Variants in MFSD11 observed in about 807,000 individuals in gnomAD.
The protein encoded by MFSD11 is UNC93-like protein MFSD11.
Under a neutral mutation model 53.5 loss-of-function variants are expected in MFSD11, and 36 were observed. The observed-to-expected ratio is 0.67, with a 90% CI of 0.52 to 0.89. The LOEUF (loss-of-function observed/expected upper bound fraction) is 0.89, where lower values mean the gene tolerates loss of function less well. Among genes scored for constraint, MFSD11 ranks in the 40% least tolerant of loss-of-function variants. MFSD11 has a pLI of 0.00. For synonymous variants in MFSD11, 186 were observed against 184.9 expected, an observed-to-expected ratio of 1.01 and a Z score of -0.05; for missense variants, 530 against 543.9, an observed-to-expected ratio of 0.97 and a Z score of 0.25.
At chr17:76,738,786 T>C in intron 1 of MFSD11, 152 bp from the exon 2 acceptor site, 1 of 661,486 alleles carries the variant, frequency 1.5e-6, no homozygotes, top group South Asian at 1.9e-5. Flanking sequence ...TGCAGTTCTG[T>C]TGTCCTTTTT....
At chr17:76,741,434 A>G (rs2078071650) in intron 3 of MFSD11, among the ~76,000 whole-genome samples, 1 of 152,184 alleles carries the variant, frequency 6.6e-6, no homozygotes, top group African/African-American at 2.4e-5. Context: ...GCTTTTGGCA[A>G]AGAACACTGC....
intron 8 of MFSD11, among the ~76,000 whole-genome samples, chr17:76,764,608 C>T (rs576295320): frequency 6.6e-4 from 101 of 152,260 alleles, no homozygotes; most frequent in African/African-American, 2.4e-3. Flanking sequence ...GAATAATATA[C>T]CATTGTATAT....
chr17:76,754,676 T>G (rs1322639850), intron 8 of MFSD11, among the ~76,000 whole-genome samples: 2 of 65,600 alleles, frequency 3.0e-5, no homozygotes, highest in South Asian at 7.4e-4. Flanking sequence ...AGAGGGAGAC[T>G]CCATCTCAAA....
At chr17:76,766,952 A>G (rs926134180) in intron 8 of MFSD11, 11 of 157,052 alleles carry the variant, frequency 7.0e-5, no homozygotes, top group Non-Finnish European at 1.4e-4. Context: ...CAGCTTCTGT[A>G]TGGCCAAAAA....
Position 76,778,761 on chromosome 17 carries a change from A to G in MFSD11, c.*409A>G, listed in dbSNP as rs1172304180. Reference sequence around the variant, plus strand: ...GTTTTGCCATGTAATAATGGGAAGCATATGTCATTCCCCATATGTGTTGGA... The same window carrying G: ...GTTTTGCCATGTAATAATGGGAAGCGTATGTCATTCCCCATATGTGTTGGA... On this transcript the variant is annotated 3_prime_UTR_variant, in exon 13 of 13. Coordinates refer to ENST00000685175, the MANE Select transcript of MFSD11 (RefSeq NM_001242532.5). The G allele has an allele frequency of 6.1e-6, 1 of 164,272 alleles. No homozygotes were observed. Among genetic ancestry groups the G allele is most frequent in the African/African-American group, 2.4e-5 (1 of 41,754 alleles). The allele number at this position is 164,272 out of a possible 1,614,324, so 10.2% of individuals were successfully genotyped here.
intron 8 of MFSD11, among the ~76,000 whole-genome samples, chr17:76,764,372 C>G (rs529502598): frequency 2.0e-5 from 3 of 152,136 alleles, no homozygotes; most frequent in African/African-American, 7.2e-5. Context: ...TCCTGCCTAA[C>G]GAAAACTTTG....
chr17:76,737,213 CTG>C, upstream of MFSD11: 10 of 1,479,732 alleles, frequency 6.8e-6, no homozygotes, highest in Non-Finnish European at 9.0e-6. Context: ...TTCCTCAGCT[CTG>C]GGCGGTGCGA....
downstream of MFSD11, among the ~76,000 whole-genome samples, chr17:76,780,704 C>T (rs569894097): frequency 1.7e-4 from 26 of 151,874 alleles, no homozygotes; most frequent in African/African-American, 5.1e-4. Flanking sequence ...TCAGTAGAGA[C>T]GGGGTTTCAC....
chr17:76,798,159 A>T, the MFSD11 span, among the ~76,000 whole-genome samples: 1 of 152,110 alleles, frequency 6.6e-6, no homozygotes, highest in African/African-American at 2.4e-5. Flanking sequence ...AAGTGCTGGG[A>T]TTACACGTCG....
In MFSD11 at chr17:76,768,955, C is replaced by G. The variant is rs147533021; in HGVS notation, c.749-791C>G. Among the ~76,000 whole-genome samples, 267 of 148,102 alleles carry G rather than the reference C, an allele frequency of 1.8e-3. 3 individuals are homozygous for G. Among genetic ancestry groups the G allele is most frequent in the African/African-American group, 6.4e-3 (256 of 39,998 alleles). On this transcript the variant is annotated intron_variant, in intron 9 of 12. Transcript: ENST00000685175. ...GAGTTGAGATAGCGCCACTGCACTC[C>G]AGCCTGGGCAACAGAGCAAGACTCT...
downstream of MFSD11, among the ~76,000 whole-genome samples, chr17:76,782,770 C>G (rs1337814793): frequency 6.6e-6 from 1 of 151,900 alleles, no homozygotes; most frequent in African/African-American, 2.4e-5. Context: ...GAGCCCACCA[C>G]GCGGGGCTGC....
At chr17:76,771,110 G>GGAGT (rs2081345606) in intron 10 of MFSD11, among the ~76,000 whole-genome samples, 1 of 152,194 alleles carries the variant, frequency 6.6e-6, no homozygotes, top group African/African-American at 2.4e-5. Context: ...CCCTGAAGTG[G>GGAGT]GAGTGAAAGG....
chr17:76,741,639 T>A (rs2078092287), intron 3 of MFSD11, among the ~76,000 whole-genome samples: 1 of 151,872 alleles, frequency 6.6e-6, no homozygotes, highest in Non-Finnish European at 1.5e-5. Flanking sequence ...TAAAAAAAAA[T>A]TAGCCGGGCT....
At chr17:76,788,756 G>A in the MFSD11 span, among the ~76,000 whole-genome samples, 3 of 148,964 alleles carry the variant, frequency 2.0e-5, no homozygotes, top group Admixed American at 6.7e-5. Flanking sequence ...GGGAGGCTGA[G>A]GCAGGAGAAT....
intron 8 of MFSD11, among the ~76,000 whole-genome samples, chr17:76,755,874 A>G (rs1259058299): frequency 8.7e-5 from 11 of 126,512 alleles, no homozygotes; most frequent in African/African-American, 1.6e-4. Context: ...CCCAGGCTGG[A>G]ATGCAATGGT....
chr17:76,768,357 T>A (rs921633615), intron 9 of MFSD11, among the ~76,000 whole-genome samples: 1 of 148,146 alleles, frequency 6.8e-6, no homozygotes, highest in Non-Finnish European at 1.5e-5. Context: ...CATGTCATAA[T>A]GTGGTATGAT....
At chr17:76,761,574 A>G (rs2080236715) in intron 8 of MFSD11, among the ~76,000 whole-genome samples, 1 of 152,228 alleles carries the variant, frequency 6.6e-6, no homozygotes, top group South Asian at 2.1e-4. Flanking sequence ...ACATAGAAAA[A>G]GACTGGAAGA....
intron 7 of MFSD11, among the ~76,000 whole-genome samples, chr17:76,750,186 TGGGG>T (rs2078930881): frequency 1.3e-5 from 2 of 152,032 alleles, no homozygotes; most frequent in African/African-American, 4.8e-5. Context: ...ATCAGTTAAT[TGGGG>T]CCTGAAGGGT....
chr17:76,778,918 A>G lies in MFSD11; in HGVS notation c.*566A>G, dbSNP rs1376468803. ...GGCTGCGGTGAGCTATGATCACACC[A>G]CTGCACTCCAGGCTGGGCAACAGAG... is the stretch of plus-strand genomic sequence containing the variant. On this transcript the variant is annotated 3_prime_UTR_variant, in exon 13 of 13. Transcript: ENST00000685175. 6.5e-6 allele frequency: 1 copy of G among 153,424 alleles called. No individual in the cohort carries two copies. The highest frequency in any genetic ancestry group is 1.4e-5 in the Non-Finnish European group (1 of 69,020). 9.5% of individuals were successfully genotyped at this position (153,424 alleles called of 1,614,324 possible). A position where few individuals can be genotyped will look rare whatever the true frequency, so the allele number is the denominator to read the frequency against.
Sources: allele counts gnomAD v4.1 joint callset (sites outside exome capture counted in the v4.1 genomes callset), GRCh38; gene constraint gnomAD v4.1.1; transcripts MANE v1.5; gene names NCBI Gene and HGNC (gene_info 2026-07-23, HGNC 2026-07-21).